The following SATB1 variants were observed in gnomAD, a reference collection of about 807,000 sequenced individuals.
The protein encoded by SATB1 is DNA-binding protein SATB1.
Under a neutral mutation model 86.9 loss-of-function variants are expected in SATB1, and 11 were observed. The observed-to-expected ratio is 0.13, with a 90% CI of 0.08 to 0.21. SATB1 has a LOEUF of 0.21. Among genes scored for constraint, SATB1 ranks in the 10% least tolerant of loss-of-function variants. The pLI is 1.00. For synonymous variants in SATB1, 357 were observed against 357.2 expected, an observed-to-expected ratio of 1.00 and a Z score of 0.01; for missense variants, 551 against 937.6, an observed-to-expected ratio of 0.59 and a Z score of 5.39.
chr3:18,406,665 T>A (rs1284692586), intron 5 of SATB1, among the ~76,000 whole-genome samples: 1 of 152,046 alleles, frequency 6.6e-6, no homozygotes, highest in Non-Finnish European at 1.5e-5. Flanking sequence ...CTTACAAATG[T>A]TTAGTACACA....
chr3:18,397,308 G>T lies in SATB1; in HGVS notation c.640-18C>A, dbSNP rs770021128. ...ATCATACTCTGCATGAAGAAGGGGG[G>T]AGAATATTTGTAATACACAGCAGCA... On this transcript the variant is annotated intron_variant, in intron 5 of 10. Transcript: ENST00000338745. The T allele has an allele frequency of 6.7e-6, 9 of 1,344,516 alleles. No individual in the cohort carries two copies. The Admixed American group carries it at 1.2e-4, about 18-fold the overall frequency. The allele number at this position is 1,344,516 out of a possible 1,614,324, so 83.3% of individuals were successfully genotyped here.
chr3:18,411,184 T>C, intron 5 of SATB1: 1 of 324,166 alleles, frequency 3.1e-6, no homozygotes, highest in Non-Finnish European at 5.5e-6. Flanking sequence ...TTTATATGAC[T>C]TGGCTTAAAG....
intron 5 of SATB1, among the ~76,000 whole-genome samples, chr3:18,398,996 G>A (rs1434214821): frequency 6.6e-6 from 1 of 152,098 alleles, no homozygotes; most frequent in East Asian, 1.9e-4. Flanking sequence ...ATCGCTGATG[G>A]ATAATGGTGA....
At chr3:18,435,092 G>A (rs376922752) in intron 2 of SATB1, 15 of 152,052 alleles carry the variant, frequency 9.9e-5, no homozygotes, top group Admixed American at 2.0e-4. Flanking sequence ...ATTACATGCC[G>A]GTTAGTAATA....
chr3:18,433,687 A>G (rs995081567), intron 2 of SATB1, among the ~76,000 whole-genome samples: 1 of 152,108 alleles, frequency 6.6e-6, no homozygotes, highest in Admixed American at 6.5e-5. Context: ...TTACAAACAT[A>G]TATTTATTAT....
intron 9 of SATB1, among the ~76,000 whole-genome samples, chr3:18,377,404 G>A (rs1007777360): frequency 1.3e-5 from 2 of 152,122 alleles, no homozygotes; most frequent in African/African-American, 4.8e-5. Flanking sequence ...CTTTGGAGAA[G>A]GGTTTATAGA....
Position 18,351,033 on chromosome 3 carries a change from C to A in SATB1, c.1779+959G>T, listed in dbSNP as rs992387774. The A allele has an allele frequency of 4.7e-5, 20 of 421,996 alleles. No homozygotes were observed. In the Admixed American group the frequency reaches 7.0e-4, roughly 15 times the overall value. The allele number at this position is 421,996 out of a possible 1,614,324, so 26.1% of individuals were successfully genotyped here. A position where few individuals can be genotyped will look rare whatever the true frequency, so the allele number is the denominator to read the frequency against. ...ATACAACTCAAGTTCAATGACAACACGCTTTCTAAGCAACTGGGGCCCTAA... is the reference window on the plus strand; with the variant it reads ...ATACAACTCAAGTTCAATGACAACAAGCTTTCTAAGCAACTGGGGCCCTAA... On this transcript the variant is annotated intron_variant, in intron 10 of 10. Transcript: ENST00000338745.
chr3:18,399,432 A>T (rs1697136806), intron 5 of SATB1, among the ~76,000 whole-genome samples: 1 of 152,196 alleles, frequency 6.6e-6, no homozygotes. Flanking sequence ...GATTTGGTAT[A>T]TCAACAGTGG....
At chr3:18,389,027 A>C (rs541579884) in intron 7 of SATB1, among the ~76,000 whole-genome samples, 3 of 152,204 alleles carry the variant, frequency 2.0e-5, no homozygotes, top group South Asian at 2.1e-4. Flanking sequence ...CACTTGGGAG[A>C]AAATTTTAAA....
chr3:18,349,774 T>C lies in SATB1; in HGVS notation c.1780-92A>G. ...TCAGGAAAAATGTGGTCCCGGATCC[T>C]ACATATAGCTTCTTTGATAGGGATG... On this transcript the variant is annotated intron_variant, in intron 10 of 10. Transcript: ENST00000338745. The surrounding 1 kb of genome is among the most constrained non-coding windows in gnomAD (Gnocchi z 5.5). 1 of 1,464,912 alleles carries C rather than the reference T, an allele frequency of 6.8e-7. No individual in the cohort carries two copies. The highest frequency in any genetic ancestry group is 9.0e-7 in the Non-Finnish European group (1 of 1,110,860). The allele number at this position is 1,464,912 out of a possible 1,614,324, so 90.7% of individuals were successfully genotyped here.
In SATB1 at chr3:18,424,121, T is replaced by TAAA; in HGVS notation, c.-522_-520dup. ...ACGACGTGGTGACTGAGGATTCTCT[T>TAAA]AAAAAAAAAAAAATCACTGCGGACA... On this transcript the variant is annotated 5_prime_UTR_variant, in exon 1 of 11. Transcript: ENST00000338745. 7.0e-6 allele frequency: 1 copy of TAAA among 142,752 alleles called. No homozygotes were observed. The highest frequency in any genetic ancestry group is 2.2e-4 in the South Asian group (1 of 4,482). 8.8% of individuals were successfully genotyped at this position (142,752 alleles called of 1,614,324 possible). A position where few individuals can be genotyped will look rare whatever the true frequency, so the allele number is the denominator to read the frequency against.
rs750053862 is a variant in SATB1 at position 18,416,843 on chromosome 3, C to A, written c.388+59G>T. 3.8e-5 allele frequency: 55 copies of A among 1,449,744 alleles called. No individual in the cohort carries two copies. The Admixed American group carries it at 6.9e-4, about 18-fold the overall frequency. The allele number at this position is 1,449,744 out of a possible 1,614,324, so 89.8% of individuals were successfully genotyped here. Reference sequence around the variant, plus strand: ...TGAATAAAAATATTCAGTGCTTTCTCTGCAAGGTAAACAAAGAATGCTAAG... The same window carrying A: ...TGAATAAAAATATTCAGTGCTTTCTATGCAAGGTAAACAAAGAATGCTAAG... On this transcript the variant is annotated intron_variant, in intron 3 of 10. Coordinates refer to ENST00000338745, the MANE Select transcript of SATB1 (RefSeq NM_002971.6).
chr3:18,425,563 GGGGAGCGCACGATTTCCGGCCCC>G (rs1315209496), upstream of SATB1, among the ~76,000 whole-genome samples: 1 of 151,616 alleles, frequency 6.6e-6, no homozygotes, highest in Non-Finnish European at 1.5e-5. Context: ...GAGGGAATGG[GGGGAGCGCACGATTTCCGGCCCC>G]GGGCGCGCAA....
intron 9 of SATB1, among the ~76,000 whole-genome samples, chr3:18,374,082 A>C (rs1316240245): frequency 6.6e-6 from 1 of 152,192 alleles, no homozygotes; most frequent in East Asian, 1.9e-4. Flanking sequence ...GTCTTACTGC[A>C]CTACTGTACC....
chr3:18,423,726 CCT>C lies in SATB1; in HGVS notation c.-126_-125del, dbSNP rs1491483404. On this transcript the variant is annotated 5_prime_UTR_variant, in exon 1 of 11. Coordinates refer to ENST00000338745, the MANE Select transcript of SATB1 (RefSeq NM_002971.6). ...AGTTCAAGACTGATGTTTTCTATGTCCTTTTTTTTTTTAATTAAAAAAAAAAA... is the reference window on the plus strand; with the variant it reads ...AGTTCAAGACTGATGTTTTCTATGTCTTTTTTTTTTAATTAAAAAAAAAAA... 8.3e-6 allele frequency: 1 copy of C among 119,826 alleles called. No individual in the cohort carries two copies. Among genetic ancestry groups the C allele is most frequent in the Non-Finnish European group, 1.7e-5 (1 of 58,282 alleles). 7.4% of individuals were successfully genotyped at this position (119,826 alleles called of 1,614,324 possible).
chr3:18,425,149 T>TGCCGCC lies in SATB1; in HGVS notation c.-1553_-1548dup, dbSNP rs941915081. ...TCTCCGCCGCTGCTCCTGCTGCTGC[T>TGCCGCC]GCCGCCGCCGCCGCCGCTGCCGCTG... On this transcript the variant is annotated 5_prime_UTR_variant, in exon 1 of 11. Transcript: ENST00000338745. 3.4e-5 allele frequency: 6 copies of TGCCGCC among 175,550 alleles called. No individual in the cohort carries two copies. The highest frequency in any genetic ancestry group is 1.4e-4 in the South Asian group (1 of 7,282). 10.9% of individuals were successfully genotyped at this position (175,550 alleles called of 1,614,324 possible).
At chr3:18,373,698 TC>T (rs890200173) in intron 9 of SATB1, among the ~76,000 whole-genome samples, 1 of 152,056 alleles carries the variant, frequency 6.6e-6, no homozygotes, top group African/African-American at 2.4e-5. Flanking sequence ...ATCCTTGTTT[TC>T]CCCTCTCTCT....
chr3:18,368,727 G>C (rs746793648), intron 9 of SATB1, among the ~76,000 whole-genome samples: 1 of 152,118 alleles, frequency 6.6e-6, no homozygotes, highest in Non-Finnish European at 1.5e-5. Context: ...AAAAGAAAAA[G>C]AGTGTATTTT....
intron 9 of SATB1, among the ~76,000 whole-genome samples, chr3:18,372,409 G>A (rs569080259): frequency 6.6e-6 from 1 of 152,216 alleles, no homozygotes; most frequent in African/African-American, 2.4e-5. Flanking sequence ...CTAAATTTAT[G>A]GGGAAAAGGT....
Sources: gnomAD v4.1 joint callset for allele counts (sites outside exome capture counted in the v4.1 genomes callset) on GRCh38, gnomAD v4.1.1 for gene constraint, Gnocchi (gnomAD v3.1) non-coding constraint, MANE v1.5 for transcripts, NCBI Gene and HGNC (gene_info 2026-07-23, HGNC 2026-07-21) for gene names.